The following PDHX variants were observed in gnomAD, a reference collection of about 807,000 sequenced individuals.
The protein encoded by PDHX is pyruvate dehydrogenase complex component X, also known as pyruvate dehydrogenase protein X component, mitochondrial.
A neutral mutation model predicts 55.3 loss-of-function variants in PDHX; 33 were observed. That is an observed-to-expected ratio of 0.60 (90% confidence interval 0.45 to 0.80). PDHX has a LOEUF of 0.80. PDHX is among the 30% of genes least tolerant of loss of function. The probability of loss-of-function intolerance (pLI) is 0.00; values close to 1 mark genes in which losing one functional copy is unlikely to be tolerated. For synonymous variants in PDHX, 226 were observed against 219.4 expected (o/e 1.03, Z -0.27); for missense variants, 622 against 619.9 (o/e 1.00, Z -0.04).
chr11:34,966,708 C>G lies in PDHX; in HGVS notation c.710C>G (p.Pro237Arg). ...KITESRPTPA[P>R]TATPTAPSPL... is the part of the protein sequence containing the mutation. ...ACCGAGTCCAGACCAACTCCAGCCC[C>G]CACAGCCACTCCCACAGCACCTTCG... Residue 237 changes from proline (P) to arginine (R), a missense_variant, in exon 6 of 11, where the codon CCC becomes CGC. Physicochemically the swap from Pro to Arg is moderately radical, Grantham distance 103. Coordinates refer to ENST00000227868, the MANE Select transcript of PDHX (RefSeq NM_003477.3). The G allele has an allele frequency of 6.2e-7, 1 of 1,614,170 alleles. No individual in the cohort carries two copies. The highest frequency in any genetic ancestry group is 2.2e-5 in the East Asian group (1 of 44,884).
intron 9 of PDHX, among the ~76,000 whole-genome samples, chr11:34,987,550 A>T (rs1855673193): frequency 6.6e-6 from 1 of 151,870 alleles, no homozygotes; most frequent in Admixed American, 6.6e-5. Flanking sequence ...CTGCAAAATT[A>T]GTTTTTTGTT....
chr11:34,916,101 G>C (rs760871034), upstream of PDHX: 50 of 1,272,916 alleles, frequency 3.9e-5, no homozygotes, highest in African/African-American at 9.2e-5. Flanking sequence ...GGTAGCGAAC[G>C]GCCAGGCCCG....
chr11:34,992,213 G>A lies in PDHX; in HGVS notation c.1183-102G>A, dbSNP rs138423184. 717 of 692,156 alleles carry A rather than the reference G, an allele frequency of 1.0e-3. 1 individual carries two copies. Among genetic ancestry groups the A allele is most frequent in the Non-Finnish European group, 1.4e-3 (535 of 376,930 alleles). 42.9% of individuals were successfully genotyped at this position (692,156 alleles called of 1,614,324 possible). ...ATATAGGTAACAAAATCAAATCAAG[G>A]CATATCAGAGATGAGAGTATATGAT... On this transcript the variant is annotated intron_variant, in intron 9 of 10. Transcript: ENST00000227868.
At chr11:34,947,380 T>A (rs1180580170) in intron 2 of PDHX, 126 bp from the exon 3 acceptor site, 1 of 675,490 alleles carries the variant, frequency 1.5e-6, no homozygotes, top group Non-Finnish European at 2.6e-6. Context: ...GAATTACTTG[T>A]ATTTCCACAA....
chr11:34,978,723 A>G (rs1432707794), intron 8 of PDHX, among the ~76,000 whole-genome samples: 1 of 152,022 alleles, frequency 6.6e-6, no homozygotes, highest in East Asian at 1.9e-4. Context: ...TTAACCAAAG[A>G]TGTGGTGCTG....
intron 7 of PDHX, among the ~76,000 whole-genome samples, chr11:34,976,063 G>T (rs547875168): frequency 6.6e-6 from 1 of 152,118 alleles, no homozygotes; most frequent in Non-Finnish European, 1.5e-5. Context: ...GTTAATATGG[G>T]AATCACTTTC....
In PDHX at chr11:34,995,483, T is replaced by C. The variant is rs1671770966; in HGVS notation, c.*311T>C. The C allele has an allele frequency of 5.8e-6, 2 of 346,050 alleles. No homozygotes were observed. The highest frequency in any genetic ancestry group is 1.1e-5 in the Non-Finnish European group (2 of 180,986). The allele number at this position is 346,050 out of a possible 1,614,324, so 21.4% of individuals were successfully genotyped here. ...AAATCAAAGTATATGTTTGGCTCAT[T>C]TGAGCATTTTGGAATATTTGAGAAT... On this transcript the variant is annotated 3_prime_UTR_variant, in exon 11 of 11. Coordinates refer to ENST00000227868, the MANE Select transcript of PDHX (RefSeq NM_003477.3).
At chr11:34,945,319 A>T (rs1464308837) in intron 2 of PDHX, among the ~76,000 whole-genome samples, 1 of 152,178 alleles carries the variant, frequency 6.6e-6, no homozygotes, top group East Asian at 1.9e-4. Flanking sequence ...ACATTTTAGT[A>T]ATTTTCACAA....
At chr11:34,935,220 G>A (rs1383931351) in intron 2 of PDHX, among the ~76,000 whole-genome samples, 1 of 151,850 alleles carries the variant, frequency 6.6e-6, no homozygotes, top group Non-Finnish European at 1.5e-5. Context: ...GTGCTTTCAG[G>A]ATATAATTTG....
chr11:34,946,584 T>C (rs909513817), intron 2 of PDHX, among the ~76,000 whole-genome samples: 6 of 152,214 alleles, frequency 3.9e-5, no homozygotes, highest in African/African-American at 1.4e-4. Flanking sequence ...GCAATTGATA[T>C]TGGGGATATT....
intron 1 of PDHX, among the ~76,000 whole-genome samples, chr11:34,926,941 G>A (rs184607506): frequency 6.6e-6 from 1 of 152,212 alleles, no homozygotes; most frequent in East Asian, 1.9e-4. Context: ...AATTGCTCAT[G>A]TAGCAGAAAT....
intron 3 of PDHX, among the ~76,000 whole-genome samples, chr11:34,948,779 C>CA (rs1854685101): frequency 6.6e-6 from 1 of 151,840 alleles, no homozygotes; most frequent in South Asian, 2.1e-4. Flanking sequence ...ATATTCATAC[C>CA]AAAAATAGTT....
chr11:34,930,556 T>C (rs1347046160), intron 1 of PDHX, among the ~76,000 whole-genome samples: 1 of 152,214 alleles, frequency 6.6e-6, no homozygotes, highest in East Asian at 1.9e-4. Context: ...GAATAGGGTC[T>C]ATGGAAAGCT....
Position 34,916,793 on chromosome 11 carries a change from T to G in PDHX, c.138T>G (p.Phe46Leu). Reference protein sequence around the residue: ...SVSRGANWRWFHSTQWLRGDP... With the variant: ...SVSRGANWRWLHSTQWLRGDP... ...GCCGCGGAGCTAATTGGAGATGGTTTCACAGCACGCAGTGGCTTCGGGGTG... is the reference window on the plus strand; with the variant it reads ...GCCGCGGAGCTAATTGGAGATGGTTGCACAGCACGCAGTGGCTTCGGGGTG... Residue 46 changes from phenylalanine to leucine, a missense_variant, in exon 1 of 11, where the codon TTT (phenylalanine) becomes TTG (leucine). Phe to Leu is a conservative substitution (Grantham distance 22). Transcript: ENST00000227868. 1 of 1,591,290 alleles carries G rather than the reference T, an allele frequency of 6.3e-7. No individual in the cohort carries two copies. Among genetic ancestry groups the G allele is most frequent in the Non-Finnish European group, 8.6e-7 (1 of 1,169,206 alleles).
At chr11:34,994,109 A>G (rs1855811785) in intron 10 of PDHX, among the ~76,000 whole-genome samples, 1 of 152,172 alleles carries the variant, frequency 6.6e-6, no homozygotes, top group East Asian at 1.9e-4. Context: ...CAGTTTCATC[A>G]TGCAAACATC....
chr11:34,986,394 A>G (rs557501185), intron 9 of PDHX, among the ~76,000 whole-genome samples: 1 of 151,946 alleles, frequency 6.6e-6, no homozygotes, highest in African/African-American at 2.4e-5. Context: ...GAGATATAGT[A>G]TGTTCCTTGT....
intron 7 of PDHX, among the ~76,000 whole-genome samples, chr11:34,975,100 T>G (rs1006806656): frequency 2.0e-5 from 3 of 152,198 alleles, no homozygotes; most frequent in Admixed American, 1.3e-4. Flanking sequence ...TACTATTTCT[T>G]TATTTTCTGT....
Position 34,985,171 on chromosome 11 carries a change from G to A in PDHX, c.1182+443G>A, listed in dbSNP as rs141236521. Among the ~76,000 whole-genome samples the A allele has an allele frequency of 7.8e-3, 1,190 of 152,228 alleles. 14 individuals carry two copies. The highest frequency in any genetic ancestry group is 0.027 in the African/African-American group (1,134 of 41,538). ...TTAAAAGAACTTAGCGGCCAGGCGC[G>A]GTGTCTCACGCCTGTAATGCCAGCG... On this transcript the variant is annotated intron_variant, in intron 9 of 10. Transcript: ENST00000227868.
At chr11:34,976,714 T>C (rs146137388) in intron 7 of PDHX, among the ~76,000 whole-genome samples, 129 of 152,294 alleles carry the variant, frequency 8.5e-4, no homozygotes, top group Non-Finnish European at 1.4e-3. Flanking sequence ...TAAAAGAATA[T>C]ATTTCATTCA....
Sources: allele counts gnomAD v4.1 joint callset (sites outside exome capture counted in the v4.1 genomes callset), GRCh38; gene constraint gnomAD v4.1.1; transcripts MANE v1.5; gene names NCBI Gene and HGNC (gene_info 2026-07-23, HGNC 2026-07-21).